FHOD3: variants seen among roughly 807,000 people sequenced by gnomAD.
The protein encoded by FHOD3 is formin homology 2 domain containing 3, also known as FH1/FH2 domain-containing protein 3.
FHOD3 carries 90 observed loss-of-function variants against 173.0 expected under a neutral mutation model. The observed-to-expected ratio is 0.52, with a 90% CI of 0.44 to 0.62. FHOD3 has a LOEUF of 0.62. FHOD3 is among the 20% of genes least tolerant of loss of function. The pLI is 0.00. For missense variants in FHOD3, 1,945 were observed against 2,034.7 expected (o/e 0.96, Z 0.85); for synonymous variants, 828 against 823.0 (o/e 1.01, Z -0.10).
intron 5 of FHOD3, among the ~76,000 whole-genome samples, chr18:36,514,657 C>T (rs2055860917): frequency 6.6e-6 from 1 of 152,244 alleles, no homozygotes; most frequent in Non-Finnish European, 1.5e-5. Context: ...CACAGAGACA[C>T]ACCTCTAGAG....
At chr18:36,563,395 T>C (rs1962180714) in intron 5 of FHOD3, among the ~76,000 whole-genome samples, 1 of 152,200 alleles carries the variant, frequency 6.6e-6, no homozygotes, top group Non-Finnish European at 1.5e-5. Flanking sequence ...TTTCGAGTAA[T>C]GTTACCTTGG....
chr18:36,720,692 C>CCCTCCTTCTCCT lies in FHOD3; in HGVS notation c.3417+1984_3417+1995dup, dbSNP rs1281329919. On this transcript the variant is annotated intron_variant, in intron 19 of 28. Transcript: ENST00000590592. ...TAATTGGACAGAATATTCCTCCTCC[C>CCCTCCTTCTCCT]CCTCCTTCTCCTCCTCCTCCTCCTT... Among the ~76,000 whole-genome samples the CCCTCCTTCTCCT allele has an allele frequency of 3.9e-3, 444 of 112,606 alleles. 2 individuals carry two copies. The highest frequency in any genetic ancestry group is 0.015 in the African/African-American group (424 of 28,538). 73.9% of individuals were successfully genotyped at this position (112,606 alleles called of 152,430 possible).
intron 6 of FHOD3, among the ~76,000 whole-genome samples, chr18:36,581,108 G>A (rs1351149349): frequency 1.3e-5 from 2 of 152,154 alleles, no homozygotes; most frequent in Non-Finnish European, 2.9e-5. Context: ...TAATGCATTC[G>A]TAGCCAAATA....
At chr18:36,357,116 A>G (rs912784100) in intron 2 of FHOD3, among the ~76,000 whole-genome samples, 1 of 152,188 alleles carries the variant, frequency 6.6e-6, no homozygotes, top group Non-Finnish European at 1.5e-5. Context: ...ACTGAATACT[A>G]TCTGGGAATT....
intron 3 of FHOD3, among the ~76,000 whole-genome samples, chr18:36,499,359 C>T (rs2054906793): frequency 6.6e-6 from 1 of 152,136 alleles, no homozygotes; most frequent in Non-Finnish European, 1.5e-5. Flanking sequence ...CTGCCTCGGC[C>T]TCCCAAAGTG....
At chr18:36,647,898 A>C (rs777790574) in intron 10 of FHOD3, among the ~76,000 whole-genome samples, 1 of 152,202 alleles carries the variant, frequency 6.6e-6, no homozygotes, top group Admixed American at 6.5e-5. Context: ...GAGGGAAGCA[A>C]TTGGAAAGGA....
At chr18:36,748,494 C>T (rs1252598053) in intron 24 of FHOD3, among the ~76,000 whole-genome samples, 1 of 152,026 alleles carries the variant, frequency 6.6e-6, no homozygotes, top group Non-Finnish European at 1.5e-5. Flanking sequence ...AGCTGTTGAG[C>T]TTGGTTATGT....
rs540805453 is a variant in FHOD3, at chr18:36,451,995, C to T, written c.338-49937C>T. ...TTCAAATTTGTCCACTTTTGTACCC[C>T]CTTTGCCCTCCACAAGCAGCAACCC... On this transcript the variant is annotated intron_variant, in intron 3 of 28. Transcript: ENST00000590592. Among the ~76,000 whole-genome samples, 7 of 152,146 alleles carry T rather than the reference C, an allele frequency of 4.6e-5. No homozygotes were observed. In the South Asian group the frequency reaches 1.5e-3, roughly 32 times the overall value.
At chr18:36,528,334 C>G (rs779596938) in intron 5 of FHOD3, among the ~76,000 whole-genome samples, 2 of 152,338 alleles carry the variant, frequency 1.3e-5, no homozygotes, top group Middle Eastern at 3.4e-3. Context: ...CCCATCAAGG[C>G]TGCCATACTG....
chr18:36,532,256 C>T (rs373753575), intron 5 of FHOD3, among the ~76,000 whole-genome samples: 3 of 152,236 alleles, frequency 2.0e-5, no homozygotes, highest in South Asian at 4.2e-4. Flanking sequence ...AGTGAGTGTT[C>T]GGGGAACACA....
At chr18:36,473,356 G>C (rs1225224984) in intron 3 of FHOD3, among the ~76,000 whole-genome samples, 1 of 152,264 alleles carries the variant, frequency 6.6e-6, no homozygotes, top group Non-Finnish European at 1.5e-5. Flanking sequence ...GGAGGTTGCA[G>C]TGAGCCAAGA....
intron 14 of FHOD3, among the ~76,000 whole-genome samples, chr18:36,680,649 A>G (rs2038172750): frequency 1.3e-5 from 2 of 152,156 alleles, no homozygotes; most frequent in Admixed American, 6.5e-5. Context: ...TTTCACACAC[A>G]TTTTCAGTGA....
At chr18:36,690,412 C>T (rs898891949) in intron 16 of FHOD3, among the ~76,000 whole-genome samples, 7 of 152,100 alleles carry the variant, frequency 4.6e-5, no homozygotes, top group African/African-American at 7.2e-5. Flanking sequence ...AGTGTGGCTT[C>T]GCATGGCAGC....
chr18:36,624,488 C>A (rs973025838), intron 9 of FHOD3, among the ~76,000 whole-genome samples: 1 of 151,966 alleles, frequency 6.6e-6, no homozygotes, highest in African/African-American at 2.4e-5. Context: ...TCCCTGGCTA[C>A]GAAGAGTCAT....
intron 3 of FHOD3, among the ~76,000 whole-genome samples, chr18:36,423,423 A>G (rs1405250479): frequency 1.3e-5 from 2 of 152,200 alleles, no homozygotes; most frequent in Non-Finnish European, 2.9e-5. Flanking sequence ...GTTTCACCAC[A>G]AAAGCAAGGT....
chr18:36,332,554 G>GC (rs1351762588), intron 1 of FHOD3, among the ~76,000 whole-genome samples: 1 of 152,198 alleles, frequency 6.6e-6, no homozygotes, highest in Non-Finnish European at 1.5e-5. Flanking sequence ...CACAGAGGAT[G>GC]CCCCCCTCTC....
chr18:36,349,073 A>G (rs2045997039), intron 1 of FHOD3, among the ~76,000 whole-genome samples: 1 of 152,162 alleles, frequency 6.6e-6, no homozygotes, highest in South Asian at 2.1e-4. Context: ...CAGTTTGGCC[A>G]GTTTCTCCTG....
chr18:36,599,352 G>T (rs2030998525), intron 7 of FHOD3, among the ~76,000 whole-genome samples: 1 of 152,168 alleles, frequency 6.6e-6, no homozygotes, highest in Admixed American at 6.5e-5. Flanking sequence ...AAGAATTCCT[G>T]CTATCACGCA....
intron 3 of FHOD3, among the ~76,000 whole-genome samples, chr18:36,405,051 C>T (rs954332962): frequency 1.3e-5 from 2 of 152,206 alleles, no homozygotes; most frequent in African/African-American, 4.8e-5. Flanking sequence ...TGAGCTAAGG[C>T]AAGCCCCAGT....
Sources: gnomAD v4.1 joint callset for allele counts (sites outside exome capture counted in the v4.1 genomes callset) on GRCh38, gnomAD v4.1.1 for gene constraint, MANE v1.5 for transcripts, NCBI Gene and HGNC (gene_info 2026-07-23, HGNC 2026-07-21) for gene names.